The following IGDCC4 variants were observed in gnomAD, a reference collection of about 807,000 sequenced individuals.
IGDCC4 encodes likely ortholog of mouse neighbor of Punc E11.
Under a neutral mutation model 116.6 loss-of-function variants are expected in IGDCC4, and 72 were observed. That is an observed-to-expected ratio of 0.62 (90% CI 0.51 to 0.75). The LOEUF is 0.75. Ranked by LOEUF, IGDCC4 falls within the 30% of genes least tolerant of loss-of-function variation. The pLI is 0.00. For synonymous variants in IGDCC4, 709 were observed against 719.9 expected (o/e 0.98, Z 0.24); for missense variants, 1,501 against 1,662.4 (o/e 0.90, Z 1.69).
At chr15:65,411,512 G>A (rs2063094494) in intron 1 of IGDCC4, 142 bp from the exon 2 acceptor site, 1 of 659,872 alleles carries the variant, frequency 1.5e-6, no homozygotes, top group Non-Finnish European at 2.5e-6. Flanking sequence ...CTTACTAACT[G>A]TGACCTTGGA....
chr15:65,402,730 A>G (rs908761884), intron 3 of IGDCC4, among the ~76,000 whole-genome samples: 7 of 152,084 alleles, frequency 4.6e-5, no homozygotes, highest in Non-Finnish European at 1.0e-4. Flanking sequence ...AGCCGGGCGT[A>G]GTGGTGCATG....
chr15:65,397,486 C>G (rs944415808), intron 5 of IGDCC4, among the ~76,000 whole-genome samples: 1 of 152,056 alleles, frequency 6.6e-6, no homozygotes, highest in Non-Finnish European at 1.5e-5. Flanking sequence ...TGCAAATAGC[C>G]AAGAAACACA....
intron 1 of IGDCC4, among the ~76,000 whole-genome samples, chr15:65,421,897 C>G (rs566253700): frequency 9.2e-4 from 140 of 152,066 alleles, no homozygotes; most frequent in African/African-American, 3.3e-3. Flanking sequence ...TTGGGGACTT[C>G]GCTATCCCCT....
rs780757061 is a variant in IGDCC4 at position 65,391,870 on chromosome 15, C to A, written c.2224+10G>T. On this transcript the variant is annotated intron_variant, in intron 12 of 19. Transcript: ENST00000352385. ...GAGCCCTCCCCGCCTTCTTCCCCCA[C>A]CGCCCTCACCTGGTGCCGGCGCCTT... The A allele has an allele frequency of 2.3e-5, 37 of 1,610,086 alleles. No individual in the cohort carries two copies. In the East Asian group the frequency reaches 7.8e-4, roughly 34 times the overall value.
At chr15:65,407,777 T>C (rs2063053429) in intron 3 of IGDCC4, among the ~76,000 whole-genome samples, 7 of 149,740 alleles carry the variant, frequency 4.7e-5, no homozygotes, top group Admixed American at 4.7e-4. Context: ...CAGGCATGCG[T>C]CACCACGCCT....
chr15:65,411,237 G>A lies in IGDCC4; in HGVS notation c.204C>T (p.Thr68=), dbSNP rs149164380. The A allele has an allele frequency of 1.1e-5, 18 of 1,614,016 alleles. No individual in the cohort carries two copies. In the African/African-American group the frequency reaches 2.1e-4, roughly 19 times the overall value. ...CCCCATCCTTGCTCCAGGTCACCCT[G>A]GTGGGGGGTCCAGCGGCAGCAGCCC... ...SLGAAAAGPP[T]RVTWSKDGDT... is the part of the protein sequence containing the mutation. Residue 68 remains threonine (T), a synonymous_variant, in exon 2 of 20, where the codon ACC becomes ACT. Transcript: ENST00000352385.
chr15:65,388,370 A>G, intron 16 of IGDCC4, 79 bp downstream of exon 16: 1 of 1,591,466 alleles, frequency 6.3e-7, no homozygotes, highest in Non-Finnish European at 8.6e-7. Flanking sequence ...GCTGTGCAAA[A>G]CAATGAAATT....
At chr15:65,408,993 T>C (rs564633709) in intron 3 of IGDCC4, among the ~76,000 whole-genome samples, 1 of 152,118 alleles carries the variant, frequency 6.6e-6, no homozygotes, top group Admixed American at 6.5e-5. Flanking sequence ...ACTGCCACAC[T>C]GGGCTAATTT....
intron 3 of IGDCC4, among the ~76,000 whole-genome samples, chr15:65,409,977 G>T (rs612401): frequency 0.24 from 36,751 of 152,110 alleles, 4,865 homozygotes; most frequent in African/African-American, 0.36. Flanking sequence ...AGCTCAATGG[G>T]TGGCTTCCTC....
chr15:65,406,986 T>A (rs532570784), intron 3 of IGDCC4, among the ~76,000 whole-genome samples: 113 of 152,230 alleles, frequency 7.4e-4, no homozygotes, highest in African/African-American at 2.6e-3. Context: ...ATTAATTTTT[T>A]AAAAAATTAA....
At chr15:65,418,957 G>C (rs1173651163) in intron 1 of IGDCC4, among the ~76,000 whole-genome samples, 2 of 152,282 alleles carry the variant, frequency 1.3e-5, no homozygotes, top group South Asian at 4.1e-4. Flanking sequence ...CCTAGAAAGG[G>C]TGGCCCCATT....
At chr15:65,404,522 T>TC (rs556709975) in intron 3 of IGDCC4, among the ~76,000 whole-genome samples, 298 of 152,282 alleles carry the variant, frequency 2.0e-3, no homozygotes, top group African/African-American at 6.9e-3. Context: ...TTTTCCTCCC[T>TC]CGAACTAGCG....
intron 8 of IGDCC4, 82 bp from the exon 9 acceptor site, chr15:65,394,630 G>T: frequency 7.3e-7 from 1 of 1,378,372 alleles, no homozygotes; most frequent in Non-Finnish European, 9.8e-7. Flanking sequence ...ACTTGCCTGG[G>T]TCACACAGCA....
chr15:65,398,680 A>G (rs1371130972), intron 5 of IGDCC4, among the ~76,000 whole-genome samples: 1 of 152,128 alleles, frequency 6.6e-6, no homozygotes, highest in Non-Finnish European at 1.5e-5. Flanking sequence ...TCACGAGGTC[A>G]GGAGATGGAG....
chr15:65,398,391 G>A (rs745368711), intron 5 of IGDCC4, among the ~76,000 whole-genome samples: 1 of 151,712 alleles, frequency 6.6e-6, no homozygotes, highest in African/African-American at 2.4e-5. Flanking sequence ...AAAATTAGCC[G>A]AGTGTGGTGG....
chr15:65,420,239 A>T (rs1375317039), intron 1 of IGDCC4, among the ~76,000 whole-genome samples: 3 of 152,098 alleles, frequency 2.0e-5, no homozygotes. Flanking sequence ...GAGCCACCGC[A>T]CCCGGCCTAT....
chr15:65,406,095 G>A (rs1157138446), intron 3 of IGDCC4, among the ~76,000 whole-genome samples: 3 of 152,214 alleles, frequency 2.0e-5, no homozygotes, highest in Non-Finnish European at 4.4e-5. Context: ...AAGTCCCTTA[G>A]TTCCATGTTT....
At chr15:65,385,414 C>T (rs958050069) in intron 18 of IGDCC4, 2 of 525,362 alleles carry the variant, frequency 3.8e-6, no homozygotes, top group South Asian at 2.3e-5. Context: ...GTGGGATGTG[C>T]CGCCCCTGCC....
chr15:65,408,853 T>C (rs1296237066), intron 3 of IGDCC4, among the ~76,000 whole-genome samples: 2 of 150,474 alleles, frequency 1.3e-5, no homozygotes, highest in Admixed American at 1.3e-4. Flanking sequence ...TTTTTTTTTT[T>C]TTTTGAGACA....
Sources: gnomAD v4.1 joint callset for allele counts (sites outside exome capture counted in the v4.1 genomes callset) on GRCh38, gnomAD v4.1.1 for gene constraint, MANE v1.5 for transcripts, NCBI Gene and HGNC (gene_info 2026-07-23, HGNC 2026-07-21) for gene names.